The following RNF2 variants were observed in gnomAD, a reference collection of about 807,000 sequenced individuals.
RNF2 encodes ring finger protein 2.
Under a neutral mutation model 37.2 loss-of-function variants are expected in RNF2, and 6 were observed. The ratio of observed to expected loss-of-function variants is 0.16; its 90% CI spans 0.09 to 0.32. The LOEUF (loss-of-function observed/expected upper bound fraction) is 0.32. RNF2 is among the 10% of genes least tolerant of loss of function. RNF2 has a pLI of 1.00. For missense variants in RNF2, 251 were observed against 404.0 expected, an observed-to-expected ratio of 0.62 and a Z score of 3.25; for synonymous variants, 133 against 132.7, an observed-to-expected ratio of 1.00 and a Z score of -0.02.
At chr1:185,066,972 G>T (rs1008551253) in intron 1 of RNF2, among the ~76,000 whole-genome samples, 1 of 152,142 alleles carries the variant, frequency 6.6e-6, no homozygotes, top group Non-Finnish European at 1.5e-5. Context: ...ACATTTCCTT[G>T]TAAGACAACT....
At chr1:185,066,568 C>T (rs1225038107) in intron 1 of RNF2, among the ~76,000 whole-genome samples, 2 of 152,206 alleles carry the variant, frequency 1.3e-5, no homozygotes, top group African/African-American at 4.8e-5. Context: ...CAAGGATTGT[C>T]TGCCTCAGTA....
chr1:185,046,212 TTCCTCGGGGAGAC>T, intron 1 of RNF2: 1 of 151,976 alleles, frequency 6.6e-6, no homozygotes, highest in South Asian at 2.1e-4. Flanking sequence ...GACCTCGGGG[TTCCTCGGGGAGAC>T]CCCTTCAGCT....
chr1:185,057,444 A>G (rs1432483744), intron 1 of RNF2, among the ~76,000 whole-genome samples: 1 of 152,152 alleles, frequency 6.6e-6, no homozygotes, highest in East Asian at 1.9e-4. Context: ...TTCGTTTATA[A>G]GTTTTTTTTA....
chr1:185,099,145 G>C (rs527590770), intron 5 of RNF2, among the ~76,000 whole-genome samples: 6 of 148,662 alleles, frequency 4.0e-5, no homozygotes, highest in African/African-American at 1.5e-4. Context: ...TTTGCCTCCC[G>C]AGTTCAAGCG....
At chr1:185,081,242 G>C (rs768483949) in intron 1 of RNF2, among the ~76,000 whole-genome samples, 1 of 152,102 alleles carries the variant, frequency 6.6e-6, no homozygotes, top group Non-Finnish European at 1.5e-5. Flanking sequence ...TTTGGGATTC[G>C]ATGAACTCTT....
chr1:185,085,151 T>TC (rs988534693), intron 1 of RNF2, among the ~76,000 whole-genome samples: 2 of 142,432 alleles, frequency 1.4e-5, no homozygotes, highest in African/African-American at 5.2e-5. Context: ...TTTTCTTTTT[T>TC]TTTTTTTTTT....
At position 185,100,238 on chromosome 1, in the gene RNF2, G is replaced by C; in HGVS notation, c.948G>C (p.Glu316Asp). 2 of 1,611,138 alleles carry C rather than the reference G, an allele frequency of 1.2e-6. No homozygotes were observed. The highest frequency in any genetic ancestry group is 1.7e-6 in the Non-Finnish European group (2 of 1,178,962). The change falls in exon 7 of 7, where the codon GAG (glutamate) becomes GAC (aspartate). Residue 316 changes from glutamate to aspartate, a missense_variant. Physicochemically the swap from Glu to Asp is conservative, Grantham distance 45. Transcript: ENST00000367510. ...CTTTTTCTTTGGAATTGGTCAGTGAGAAATACTGGAAAGTGAACAAACCCA... is the reference window on the plus strand; with the variant it reads ...CTTTTTCTTTGGAATTGGTCAGTGACAAATACTGGAAAGTGAACAAACCCA... ...NGSFSLELVSEKYWKVNKPME... is the reference protein window; with the variant it reads ...NGSFSLELVSDKYWKVNKPME...
chr1:185,077,449 T>TC (rs984483856), intron 1 of RNF2, among the ~76,000 whole-genome samples: 1 of 152,178 alleles, frequency 6.6e-6, no homozygotes, highest in Admixed American at 6.5e-5. Context: ...TTTTGGGACT[T>TC]CCGGTAGATT....
intron 1 of RNF2, among the ~76,000 whole-genome samples, chr1:185,055,370 G>A (rs1238188455): frequency 6.6e-6 from 1 of 152,146 alleles, no homozygotes; most frequent in East Asian, 1.9e-4. Context: ...TGATAAACCT[G>A]TATCGTTTAT....
intron 1 of RNF2, among the ~76,000 whole-genome samples, chr1:185,062,440 G>T (rs1056606200): frequency 6.6e-6 from 1 of 151,902 alleles, no homozygotes; most frequent in Non-Finnish European, 1.5e-5. Context: ...TTAGAAGATA[G>T]CATGCTAACT....
At chr1:185,072,714 G>C (rs1189826666) in intron 1 of RNF2, among the ~76,000 whole-genome samples, 3 of 152,150 alleles carry the variant, frequency 2.0e-5, no homozygotes, top group Non-Finnish European at 4.4e-5. Context: ...GCTGAGGCGG[G>C]CGGATCATGA....
At chr1:185,064,746 A>G (rs1650750324) in intron 1 of RNF2, among the ~76,000 whole-genome samples, 1 of 152,194 alleles carries the variant, frequency 6.6e-6, no homozygotes, top group African/African-American at 2.4e-5. Context: ...TTATGTCTGT[A>G]ATACCTTTCA....
chr1:185,076,268 G>A (rs867141156), intron 1 of RNF2, among the ~76,000 whole-genome samples: 2 of 27,334 alleles, frequency 7.3e-5, no homozygotes, highest in African/African-American at 2.6e-4. Flanking sequence ...TTTATGGGTT[G>A]TTTTTTTTTT....
chr1:185,094,685 C>T (rs1186217452), intron 4 of RNF2, among the ~76,000 whole-genome samples: 2 of 152,166 alleles, frequency 1.3e-5, no homozygotes, highest in African/African-American at 2.4e-5. Context: ...TTCCTTTGCT[C>T]AGAGCCCTCT....
At chr1:185,065,757 G>A (rs1650780255) in intron 1 of RNF2, among the ~76,000 whole-genome samples, 1 of 152,204 alleles carries the variant, frequency 6.6e-6, no homozygotes, top group African/African-American at 2.4e-5. Flanking sequence ...CGTTCTTGAA[G>A]TCAGCGAGAG....
At chr1:185,067,546 T>C (rs1557963481) in intron 1 of RNF2, among the ~76,000 whole-genome samples, 1 of 152,162 alleles carries the variant, frequency 6.6e-6, no homozygotes, top group Non-Finnish European at 1.5e-5. Context: ...TTTTACTGTG[T>C]TCAGAAGGGA....
intron 1 of RNF2, among the ~76,000 whole-genome samples, chr1:185,050,739 G>T (rs1184737994): frequency 6.6e-6 from 1 of 152,166 alleles, no homozygotes; most frequent in African/African-American, 2.4e-5. Flanking sequence ...AATTTAAACT[G>T]CATAGTACCA....
At chr1:185,092,622 A>G (rs941373037) in intron 3 of RNF2, among the ~76,000 whole-genome samples, 3 of 152,168 alleles carry the variant, frequency 2.0e-5, no homozygotes, top group Admixed American at 6.6e-5. Flanking sequence ...ATTACAACGC[A>G]TAAAACCACG....
At chr1:185,057,204 G>A (rs1650460153) in intron 1 of RNF2, among the ~76,000 whole-genome samples, 1 of 152,042 alleles carries the variant, frequency 6.6e-6, no homozygotes, top group African/African-American at 2.4e-5. Flanking sequence ...CCAGTTACTA[G>A]GCAGGCTGAT....
Sources: allele counts gnomAD v4.1 joint callset (sites outside exome capture counted in the v4.1 genomes callset), GRCh38; gene constraint gnomAD v4.1.1; transcripts MANE v1.5; gene names NCBI Gene and HGNC (gene_info 2026-07-23, HGNC 2026-07-21).